EPHB1: variants seen among roughly 807,000 people sequenced by gnomAD.
EPHB1 encodes the protein EPH receptor B1, also known as ephrin type-B receptor 1.
In EPHB1, 30 loss-of-function variants were observed where a neutral mutation model predicts 94.4. The observed-to-expected ratio is 0.32, with a 90% CI of 0.24 to 0.43. EPHB1 has a LOEUF of 0.43. Ranked by LOEUF, EPHB1 falls within the 20% of genes least tolerant of loss-of-function variation. The pLI is 1.00. For synonymous variants in EPHB1, 522 were observed against 489.1 expected (o/e 1.07, Z -0.89); for missense variants, 1,055 against 1,308.3 (o/e 0.81, Z 2.99).
intron 6 of EPHB1, among the ~76,000 whole-genome samples, chr3:135,154,618 G>A (rs1336217930): frequency 1.3e-5 from 2 of 152,150 alleles, no homozygotes; most frequent in Non-Finnish European, 2.9e-5. Context: ...AACCTTCAGA[G>A]GAGTGTGTGG....
intron 1 of EPHB1, among the ~76,000 whole-genome samples, chr3:134,913,922 C>A (rs938592726): frequency 6.6e-6 from 1 of 152,204 alleles, no homozygotes; most frequent in African/African-American, 2.4e-5. Flanking sequence ...GCTTTAGACC[C>A]AGTTGGGGCC....
At chr3:134,911,135 C>T (rs779566857) in intron 1 of EPHB1, among the ~76,000 whole-genome samples, 1 of 152,122 alleles carries the variant, frequency 6.6e-6, no homozygotes, top group Non-Finnish European at 1.5e-5. Flanking sequence ...AACTCCTGGG[C>T]CTGAATCATG....
intron 1 of EPHB1, among the ~76,000 whole-genome samples, chr3:134,849,731 G>C (rs2036941199): frequency 6.6e-6 from 1 of 152,222 alleles, no homozygotes; most frequent in South Asian, 2.1e-4. Flanking sequence ...GCTAGACAGT[G>C]GTACCAGCCC....
chr3:135,257,209 T>C (rs1334250459), intron 15 of EPHB1, among the ~76,000 whole-genome samples: 1 of 152,138 alleles, frequency 6.6e-6, no homozygotes, highest in African/African-American at 2.4e-5. Context: ...AGCCTTCTTC[T>C]CTCAACTCGT....
intron 4 of EPHB1, among the ~76,000 whole-genome samples, chr3:135,112,693 T>C (rs1939505479): frequency 6.6e-6 from 1 of 151,694 alleles, no homozygotes; most frequent in Admixed American, 6.6e-5. Context: ...TCCAGTTTCA[T>C]CCATGTCCCT....
At chr3:135,228,851 A>AT (rs1943465057) in intron 12 of EPHB1, among the ~76,000 whole-genome samples, 1 of 152,036 alleles carries the variant, frequency 6.6e-6, no homozygotes, top group African/African-American at 2.4e-5. Context: ...TGCCCTCCAT[A>AT]TGCAAGGACA....
intron 3 of EPHB1, among the ~76,000 whole-genome samples, chr3:135,004,156 G>A (rs1935297779): frequency 6.6e-6 from 1 of 151,502 alleles, no homozygotes; most frequent in African/African-American, 2.4e-5. Context: ...CAGGCCTGGT[G>A]GTGACAAAAT....
At chr3:135,053,025 G>GTATATA (rs1389207071) in intron 3 of EPHB1, among the ~76,000 whole-genome samples, 5,467 of 90,456 alleles carry the variant, frequency 0.06, 390 homozygotes, top group East Asian at 0.17. Flanking sequence ...GTGTGTGTGT[G>GTATATA]TGTATATATA....
intron 1 of EPHB1, among the ~76,000 whole-genome samples, chr3:134,922,919 C>T (rs919374235): frequency 6.6e-6 from 1 of 152,226 alleles, no homozygotes; most frequent in African/African-American, 2.4e-5. Context: ...ATTCAGTTGC[C>T]CCTGTTTCAG....
At chr3:134,969,214 G>A (rs1314990127) in intron 3 of EPHB1, among the ~76,000 whole-genome samples, 2 of 152,214 alleles carry the variant, frequency 1.3e-5, no homozygotes, top group Admixed American at 6.5e-5. Context: ...TACTATGTGT[G>A]TCATGGTATC....
intron 1 of EPHB1, among the ~76,000 whole-genome samples, chr3:134,855,500 G>A (rs891211306): frequency 2.0e-5 from 3 of 152,158 alleles, no homozygotes; most frequent in Non-Finnish European, 4.4e-5. Context: ...ACTACATGGT[G>A]ATAAAGATGT....
At chr3:135,205,285 A>T (rs1942872364) in intron 12 of EPHB1, among the ~76,000 whole-genome samples, 1 of 151,778 alleles carries the variant, frequency 6.6e-6, no homozygotes, top group South Asian at 2.1e-4. Context: ...CTATTTTTCT[A>T]TCGGGTTGTT....
chr3:135,166,815 G>A (rs1941664218), intron 8 of EPHB1, 127 bp from the exon 9 acceptor site: 6 of 891,998 alleles, frequency 6.7e-6, no homozygotes, highest in African/African-American at 1.7e-5. Flanking sequence ...AGTGAGAGTT[G>A]CCCAGTCCCT....
At chr3:135,152,287 G>A (rs1048853095) in intron 5 of EPHB1, among the ~76,000 whole-genome samples, 3 of 152,196 alleles carry the variant, frequency 2.0e-5, no homozygotes, top group Admixed American at 6.5e-5. Flanking sequence ...GTGGGAAGAA[G>A]ATAACTTTCA....
At chr3:135,097,001 C>A (rs1009808342) in intron 3 of EPHB1, among the ~76,000 whole-genome samples, 2 of 149,286 alleles carry the variant, frequency 1.3e-5, no homozygotes, top group African/African-American at 2.5e-5. Flanking sequence ...GAGGCTGAGG[C>A]AGGAGTATCG....
chr3:134,992,166 A>G (rs1190325730), intron 3 of EPHB1, among the ~76,000 whole-genome samples: 2 of 152,154 alleles, frequency 1.3e-5, no homozygotes, highest in Admixed American at 1.3e-4. Context: ...AAAAGACAAC[A>G]CGGGGGGCCA....
At chr3:134,896,604 G>A (rs2038091512) in intron 1 of EPHB1, among the ~76,000 whole-genome samples, 1 of 152,130 alleles carries the variant, frequency 6.6e-6, no homozygotes, top group Non-Finnish European at 1.5e-5. Context: ...CTCCTTCATC[G>A]ATGGCCCCAC....
chr3:135,155,788 A>AG (rs2107695786), intron 6 of EPHB1, among the ~76,000 whole-genome samples: 1 of 40,234 alleles, frequency 2.5e-5, no homozygotes, highest in South Asian at 8.5e-4. Flanking sequence ...AGACTTTGTC[A>AG]AAAAAAAAAA....
intron 1 of EPHB1, among the ~76,000 whole-genome samples, chr3:134,923,480 A>G: frequency 6.6e-6 from 1 of 152,136 alleles, no homozygotes; most frequent in East Asian, 1.9e-4. Flanking sequence ...AGACCCACTC[A>G]GGCCCTTTGG....
Sources: gnomAD v4.1 joint callset for allele counts (sites outside exome capture counted in the v4.1 genomes callset) on GRCh38, gnomAD v4.1.1 for gene constraint, MANE v1.5 for transcripts, NCBI Gene and HGNC (gene_info 2026-07-23, HGNC 2026-07-21) for gene names.